Variants in DLGAP2 observed in about 807,000 individuals in gnomAD.
The protein encoded by DLGAP2 is disks large-associated protein 2.
DLGAP2 carries 26 observed loss-of-function variants against 100.3 expected under a neutral mutation model. The ratio of observed to expected loss-of-function variants is 0.26; its 90% CI spans 0.19 to 0.36. DLGAP2 has a LOEUF of 0.36. Ranked by LOEUF, DLGAP2 falls within the 10% of genes least tolerant of loss-of-function variation. The pLI is 1.00. For missense variants in DLGAP2, 1,858 were observed against 1,453.2 expected, an observed-to-expected ratio of 1.28 and a Z score of -4.53; for synonymous variants, 886 against 630.1, an observed-to-expected ratio of 1.41 and a Z score of -6.08.
intron 3 of DLGAP2, among the ~76,000 whole-genome samples, chr8:1,475,740 A>T (rs1333346220): frequency 6.6e-6 from 1 of 152,180 alleles, no homozygotes; most frequent in Non-Finnish European, 1.5e-5. Context: ...TGGGGAGCTC[A>T]ACAAAAGGCT....
chr8:1,345,061 A>G (rs376569783), intron 3 of DLGAP2, among the ~76,000 whole-genome samples: 25 of 152,342 alleles, frequency 1.6e-4, no homozygotes, highest in African/African-American at 5.1e-4. Flanking sequence ...AAGCTCAGTT[A>G]TCTGGCCCTT....
chr8:1,112,276 T>C (rs534315160), intron 2 of DLGAP2, among the ~76,000 whole-genome samples: 2 of 136,186 alleles, frequency 1.5e-5, no homozygotes, highest in East Asian at 4.4e-4. Context: ...AGTTTTGCTC[T>C]GTTGCCCAGG....
chr8:1,644,371 G>A (rs796162786), intron 8 of DLGAP2, among the ~76,000 whole-genome samples: 20 of 152,292 alleles, frequency 1.3e-4, no homozygotes, highest in African/African-American at 4.6e-4. Flanking sequence ...CCCACCAGAC[G>A]GCCCAGCTGC....
chr8:1,240,485 TTTCTCTCACATGGCGCCGTGTCTAG>T (rs1563273860), intron 2 of DLGAP2, among the ~76,000 whole-genome samples: 2 of 138,748 alleles, frequency 1.4e-5, no homozygotes, highest in East Asian at 2.3e-4. Flanking sequence ...CATGTCTAGT[TTTCTCTCACATGGCGCCGTGTCTAG>T]TTCTCTCACA....
At chr8:1,106,446 GA>G in intron 2 of DLGAP2, among the ~76,000 whole-genome samples, 1 of 150,060 alleles carries the variant, frequency 6.7e-6, no homozygotes, top group East Asian at 2.0e-4. Flanking sequence ...TCTACTGAAG[GA>G]GGCCATTCAA....
chr8:1,523,467 G>A (rs1016158164), intron 4 of DLGAP2, among the ~76,000 whole-genome samples: 22 of 152,226 alleles, frequency 1.4e-4, no homozygotes, highest in Admixed American at 3.9e-4. Flanking sequence ...GCCCCAAGGC[G>A]GGCCAGATCT....
chr8:1,176,282 G>C (rs1006457251), intron 2 of DLGAP2, among the ~76,000 whole-genome samples: 1 of 152,128 alleles, frequency 6.6e-6, no homozygotes, highest in African/African-American at 2.4e-5. Flanking sequence ...GAATAGCATG[G>C]GGAAAACCGT....
intron 3 of DLGAP2, chr8:1,259,595 T>C (rs77336808): frequency 0.047 from 7,174 of 152,292 alleles, 229 homozygotes; most frequent in South Asian, 0.11. Context: ...GAGTCAGCCT[T>C]GGGGAACTCG....
chr8:1,328,048 G>T (rs1021916842), intron 3 of DLGAP2, among the ~76,000 whole-genome samples: 3 of 151,030 alleles, frequency 2.0e-5, no homozygotes, highest in Non-Finnish European at 4.4e-5. Flanking sequence ...TTTTATAGTT[G>T]TTTTTTTTGG....
chr8:951,113 A>G (rs920062887), intron 2 of DLGAP2, among the ~76,000 whole-genome samples: 6 of 152,298 alleles, frequency 3.9e-5, no homozygotes, highest in African/African-American at 1.2e-4. Flanking sequence ...TGTATTGCCA[A>G]TATCTTTCCA....
chr8:1,029,140 C>T (rs1458676219), intron 2 of DLGAP2, among the ~76,000 whole-genome samples: 5 of 152,102 alleles, frequency 3.3e-5, no homozygotes, highest in Non-Finnish European at 5.9e-5. Context: ...CCGGCCAGGT[C>T]CCCAGGGCGT....
chr8:1,499,322 C>G (rs964684380), intron 3 of DLGAP2, among the ~76,000 whole-genome samples: 1 of 152,184 alleles, frequency 6.6e-6, no homozygotes, highest in African/African-American at 2.4e-5. Flanking sequence ...GTGAGAGCCC[C>G]TGCCTTGTCT....
intron 3 of DLGAP2, among the ~76,000 whole-genome samples, chr8:1,316,883 T>G (rs1486914571): frequency 1.4e-3 from 142 of 100,610 alleles, no homozygotes; most frequent in Middle Eastern, 8.5e-3. Flanking sequence ...ACTCGGCAGC[T>G]TTTAAAAATA....
intron 2 of DLGAP2, among the ~76,000 whole-genome samples, chr8:966,353 A>G (rs937494870): frequency 3.3e-5 from 5 of 152,238 alleles, no homozygotes; most frequent in African/African-American, 1.2e-4. Context: ...CTGATAAATC[A>G]TGACTAAGAT....
At chr8:1,377,037 G>C (rs193109403) in intron 3 of DLGAP2, among the ~76,000 whole-genome samples, 2 of 152,228 alleles carry the variant, frequency 1.3e-5, no homozygotes, top group African/African-American at 2.4e-5. Flanking sequence ...TACTGTGCGC[G>C]GTCCCTGGCT....
chr8:889,960 G>C (rs1000111959), intron 1 of DLGAP2, among the ~76,000 whole-genome samples: 1 of 152,096 alleles, frequency 6.6e-6, no homozygotes, highest in African/African-American at 2.4e-5. Flanking sequence ...TCCCCCGCTG[G>C]GTAGTGTGCT....
chr8:1,252,531 C>G (rs1799069813), intron 2 of DLGAP2, among the ~76,000 whole-genome samples: 2 of 152,180 alleles, frequency 1.3e-5, no homozygotes, highest in African/African-American at 4.8e-5. Flanking sequence ...GTGGTGTTGT[C>G]ACGTGGTGTG....
intron 2 of DLGAP2, among the ~76,000 whole-genome samples, chr8:1,136,318 C>A (rs1419215605): frequency 6.6e-6 from 1 of 152,082 alleles, no homozygotes; most frequent in African/African-American, 2.4e-5. Flanking sequence ...AACTCCCCTC[C>A]CATCAGCCAT....
At chr8:1,340,665 G>A (rs150601214) in intron 3 of DLGAP2, among the ~76,000 whole-genome samples, 2 of 152,356 alleles carry the variant, frequency 1.3e-5, no homozygotes, top group African/African-American at 4.8e-5. Context: ...GTGGAAGACA[G>A]TGTGGTGGTT....
Sources: gnomAD v4.1 joint callset for allele counts (sites outside exome capture counted in the v4.1 genomes callset) on GRCh38, gnomAD v4.1.1 for gene constraint, MANE v1.5 for transcripts, NCBI Gene and HGNC (gene_info 2026-07-23, HGNC 2026-07-21) for gene names.